The following NALF1 variants were observed in gnomAD, a reference collection of about 807,000 sequenced individuals.
The protein encoded by NALF1 is NALCN channel auxiliary factor 1.
Under a neutral mutation model 48.4 loss-of-function variants are expected in NALF1, and 3 were observed. The ratio of observed to expected loss-of-function variants is 0.06; its 90% CI spans 0.03 to 0.16. The LOEUF is 0.16. Among genes scored for constraint, NALF1 ranks in the 10% least tolerant of loss-of-function variants. NALF1 has a pLI of 1.00. For synonymous variants in NALF1, 262 were observed against 245.7 expected, an observed-to-expected ratio of 1.07 and a Z score of -0.62; for missense variants, 526 against 571.5, an observed-to-expected ratio of 0.92 and a Z score of 0.81.
At chr13:107,189,513 C>T (rs563661362) in intron 2 of NALF1, among the ~76,000 whole-genome samples, 5 of 152,184 alleles carry the variant, frequency 3.3e-5, no homozygotes, top group Admixed American at 6.5e-5. Flanking sequence ...CATGGATTCC[C>T]GGAGAAGAGG....
intron 1 of NALF1, among the ~76,000 whole-genome samples, chr13:107,401,622 T>C (rs1314587222): frequency 6.6e-6 from 1 of 152,188 alleles, no homozygotes; most frequent in East Asian, 1.9e-4. Context: ...GAAAAAACAA[T>C]ATTGTGCATT....
At chr13:107,554,133 G>C (rs1281934014) in intron 1 of NALF1, among the ~76,000 whole-genome samples, 1 of 152,216 alleles carries the variant, frequency 6.6e-6, no homozygotes, top group Non-Finnish European at 1.5e-5. Flanking sequence ...ACACTACGTA[G>C]GGTTCCTGAT....
chr13:107,590,277 T>C (rs779973085), intron 1 of NALF1, among the ~76,000 whole-genome samples: 2 of 152,020 alleles, frequency 1.3e-5, no homozygotes, highest in African/African-American at 2.4e-5. Flanking sequence ...GTTGTTTTTA[T>C]AGGAAACAGA....
chr13:107,684,233 G>A (rs1262829483), intron 1 of NALF1, among the ~76,000 whole-genome samples: 3 of 152,172 alleles, frequency 2.0e-5, no homozygotes, highest in Admixed American at 6.5e-5. Flanking sequence ...GGAGCACCTC[G>A]CTCCTTTCTG....
intron 1 of NALF1, among the ~76,000 whole-genome samples, chr13:107,333,692 AAGGAGGTTG>A (rs1181280289): frequency 3.9e-5 from 6 of 152,374 alleles, no homozygotes; most frequent in Admixed American, 1.3e-4. Context: ...GAGCTGTTTT[AAGGAGGTTG>A]ATCCATAAAA....
intron 1 of NALF1, among the ~76,000 whole-genome samples, chr13:107,845,406 A>T (rs1880145080): frequency 6.6e-6 from 1 of 152,176 alleles, no homozygotes; most frequent in South Asian, 2.1e-4. Flanking sequence ...GAATAGGTGG[A>T]TGTTGAGGTG....
chr13:107,607,125 A>G (rs1879095548), intron 1 of NALF1, among the ~76,000 whole-genome samples: 1 of 152,200 alleles, frequency 6.6e-6, no homozygotes, highest in South Asian at 2.1e-4. Context: ...CAGTCATTGC[A>G]TTTCTAGAAA....
intron 1 of NALF1, among the ~76,000 whole-genome samples, chr13:107,451,212 C>T (rs183378942): frequency 4.8e-4 from 73 of 152,140 alleles, no homozygotes; most frequent in Non-Finnish European, 7.4e-4. Context: ...CTTCTCCCCA[C>T]GCCAGGAGGC....
intron 1 of NALF1, among the ~76,000 whole-genome samples, chr13:107,246,385 T>G (rs1880585454): frequency 6.7e-6 from 1 of 150,182 alleles, no homozygotes; most frequent in Admixed American, 6.8e-5. Context: ...ACAGATAGAC[T>G]TAGACTCCTG....
At chr13:107,717,998 G>T (rs956782835) in intron 1 of NALF1, among the ~76,000 whole-genome samples, 2 of 152,196 alleles carry the variant, frequency 1.3e-5, no homozygotes, top group African/African-American at 4.8e-5. Context: ...TCCACCTGCT[G>T]TTGTTCCAGC....
At chr13:107,551,929 A>T (rs1386636193) in intron 1 of NALF1, among the ~76,000 whole-genome samples, 10 of 152,292 alleles carry the variant, frequency 6.6e-5, no homozygotes, top group Non-Finnish European at 1.0e-4. Flanking sequence ...AACAATCAGA[A>T]TCTATTTAAG....
intron 1 of NALF1, among the ~76,000 whole-genome samples, chr13:107,241,926 C>T (rs986849228): frequency 6.6e-6 from 1 of 152,280 alleles, no homozygotes; most frequent in Middle Eastern, 3.4e-3. Context: ...CTCCCCAGGC[C>T]CTGGCAGCAA....
chr13:107,717,333 G>C (rs1875852006), intron 1 of NALF1, among the ~76,000 whole-genome samples: 1 of 152,168 alleles, frequency 6.6e-6, no homozygotes, highest in Non-Finnish European at 1.5e-5. Context: ...TATCACGTAT[G>C]GACATATCAG....
At chr13:107,856,668 A>AT (rs1415793263) in intron 1 of NALF1, among the ~76,000 whole-genome samples, 1 of 152,082 alleles carries the variant, frequency 6.6e-6, no homozygotes, top group Non-Finnish European at 1.5e-5. Flanking sequence ...AAAAATAGTT[A>AT]TTTTTTTATG....
At chr13:107,408,721 A>G (rs1883941641) in intron 1 of NALF1, among the ~76,000 whole-genome samples, 1 of 152,266 alleles carries the variant, frequency 6.6e-6, no homozygotes, top group Admixed American at 6.6e-5. Flanking sequence ...TTCTATGTGC[A>G]TTCACAAAGC....
chr13:107,780,503 C>CT (rs201071204), intron 1 of NALF1, among the ~76,000 whole-genome samples: 147 of 144,310 alleles, frequency 1.0e-3, no homozygotes, highest in Middle Eastern at 3.6e-3. Context: ...AGAGTTTTAA[C>CT]TTTTTTTTTT....
chr13:107,385,859 T>C (rs990634065), intron 1 of NALF1, among the ~76,000 whole-genome samples: 8 of 152,168 alleles, frequency 5.3e-5, no homozygotes, highest in African/African-American at 1.7e-4. Flanking sequence ...TCAGTTATAA[T>C]ACTGAAACTT....
At chr13:107,230,102 C>T (rs552795917) in intron 1 of NALF1, among the ~76,000 whole-genome samples, 11 of 152,262 alleles carry the variant, frequency 7.2e-5, no homozygotes, top group African/African-American at 1.7e-4. Flanking sequence ...CATGCAGATT[C>T]GGCCTCCTCT....
At chr13:107,754,768 ATT>A (rs971616332) in intron 1 of NALF1, among the ~76,000 whole-genome samples, 6 of 152,124 alleles carry the variant, frequency 3.9e-5, no homozygotes, top group Non-Finnish European at 4.4e-5. Context: ...GTCTTTCCAC[ATT>A]TGTCTTCTAA....
Sources: allele counts gnomAD v4.1 joint callset (sites outside exome capture counted in the v4.1 genomes callset), GRCh38; gene constraint gnomAD v4.1.1; transcripts MANE v1.5; gene names NCBI Gene and HGNC (gene_info 2026-07-23, HGNC 2026-07-21).